Variants in AMBP observed in about 807,000 individuals in gnomAD.
AMBP encodes the protein protein AMBP.
In AMBP, 37 loss-of-function variants were observed where a neutral mutation model predicts 46.3. The observed-to-expected ratio is 0.80, with a 90% CI of 0.61 to 1.05. The LOEUF is 1.05. Among genes scored for constraint, AMBP ranks in the 50% least tolerant of loss-of-function variants. AMBP has a pLI of 0.00. For synonymous variants in AMBP, 174 were observed against 175.9 expected (o/e 0.99, Z 0.09); for missense variants, 475 against 461.2 (o/e 1.03, Z -0.27).
intron 9 of AMBP, 131 bp downstream of exon 9, chr9:114,060,794 A>G: frequency 9.2e-7 from 1 of 1,090,806 alleles, no homozygotes. Flanking sequence ...CCCATTTCAG[A>G]GAGTAGATGG....
At chr9:114,063,609 A>C (rs1445399041) in intron 6 of AMBP, among the ~76,000 whole-genome samples, 1 of 152,222 alleles carries the variant, frequency 6.6e-6, no homozygotes, top group Non-Finnish European at 1.5e-5. Flanking sequence ...TAAATGGGAG[A>C]TATTCTGGAT....
At chr9:114,072,340 C>A (rs1846754095) in intron 5 of AMBP, among the ~76,000 whole-genome samples, 1 of 152,122 alleles carries the variant, frequency 6.6e-6, no homozygotes, top group Non-Finnish European at 1.5e-5. Context: ...CATGCCAGCA[C>A]CTGGAGCTGC....
chr9:114,067,296 G>A (rs765502002), intron 6 of AMBP, among the ~76,000 whole-genome samples: 10 of 152,038 alleles, frequency 6.6e-5, no homozygotes, highest in Non-Finnish European at 1.5e-4. Context: ...AGAGTGCAGT[G>A]GCACAATCAT....
Position 114,061,548 on chromosome 9 carries a change from C to A in AMBP, c.729G>T (p.Met243Ile). Reference sequence around the variant, plus strand: ...TACCATTATAGAAATACCTGCTGGTCATTCCCATGCAGGGACCGGCCGAGT... The same window carrying A: ...TACCATTATAGAAATACCTGCTGGTAATTCCCATGCAGGGACCGGCCGAGT... Reference protein sequence around the residue: ...LGYSAGPCMGMTSRYFYNGTS... With the variant: ...LGYSAGPCMGITSRYFYNGTS... Residue 243 changes from methionine to isoleucine, a missense_variant, in exon 8 of 10, where the codon ATG (methionine) becomes ATT (isoleucine). Transcript: ENST00000265132. The A allele has an allele frequency of 6.2e-7, 1 of 1,612,748 alleles. No homozygotes were observed. The highest frequency in any genetic ancestry group is 1.1e-5 in the South Asian group (1 of 90,942).
In AMBP at chr9:114,074,420, C is replaced by T. The variant is rs182761604; in HGVS notation, c.338-268G>A. 3.3e-5 allele frequency among the ~76,000 whole-genome samples: 5 copies of T among 152,274 alleles called. No individual in the cohort carries two copies. In the East Asian group the frequency reaches 9.6e-4, roughly 29 times the overall value. ...CAATTCTCCCTTCCTTCCTTCTTTC[C>T]CCTATCACTCCATCAATTTACCTAT... On this transcript the variant is annotated intron_variant, in intron 3 of 9. Coordinates refer to ENST00000265132, the MANE Select transcript of AMBP (RefSeq NM_001633.4).
intron 7 of AMBP, 151 bp from the exon 8 acceptor site, chr9:114,061,742 G>A: frequency 1.0e-6 from 1 of 988,868 alleles, no homozygotes; most frequent in Non-Finnish European, 1.4e-6. Context: ...GAGAGGTGAA[G>A]TAACTTGGCC....
chr9:114,073,594 C>G (rs1846769420), intron 4 of AMBP, among the ~76,000 whole-genome samples: 1 of 150,046 alleles, frequency 6.7e-6, no homozygotes, highest in African/African-American at 2.5e-5. Context: ...TACTCCTGGG[C>G]TCAAGTGACC....
rs773791998 is a variant in AMBP at position 114,061,507 on chromosome 9, TCACAGGC to T, written c.763_769del (p.Ala255ArgfsTer35). 30 of 1,613,998 alleles carry T rather than the reference TCACAGGC, an allele frequency of 1.9e-5. No homozygotes were observed. Among genetic ancestry groups the T allele is most frequent in the Non-Finnish European group, 2.4e-5 (28 of 1,180,024 alleles). On this transcript the variant is annotated frameshift_variant, in exon 8 of 10. Transcript: ENST00000265132. LOFTEE classifies it high-confidence loss of function. ...CATGCAGCCGCCGTACTGGAAAGTC[TCACAGGC>T]CATGGATGTACCATTATAGAAATAC...
At chr9:114,063,183 G>GAA (rs397940037) in intron 6 of AMBP, among the ~76,000 whole-genome samples, 2,933 of 145,030 alleles carry the variant, frequency 0.02, 39 homozygotes, top group East Asian at 0.073. Context: ...GCTGCTTGCA[G>GAA]AAAAAAAAAA....
chr9:114,069,914 AG>A (rs1380185125), intron 5 of AMBP, 169 bp from the exon 6 acceptor site: 1 of 635,050 alleles, frequency 1.6e-6, no homozygotes, highest in South Asian at 2.0e-5. Context: ...TCACTGGAAA[AG>A]CAAGAGACTG....
intron 6 of AMBP, among the ~76,000 whole-genome samples, chr9:114,065,254 T>G (rs1307069174): frequency 6.6e-6 from 1 of 152,172 alleles, no homozygotes; most frequent in Non-Finnish European, 1.5e-5. Context: ...ATGCAATTAA[T>G]TAAGATGAGG....
intron 1 of AMBP, 133 bp downstream of exon 1, chr9:114,077,960 A>G: frequency 1.1e-6 from 1 of 885,452 alleles, no homozygotes. Flanking sequence ...TGTACCTTCA[A>G]AGGATCCCAT....
chr9:114,066,687 T>C (rs1251631659), intron 6 of AMBP, among the ~76,000 whole-genome samples: 4 of 152,044 alleles, frequency 2.6e-5, no homozygotes, highest in South Asian at 2.1e-4. Context: ...ATGAATGTCA[T>C]AGGAGAGAGA....
rs751654936 is a variant in AMBP, at chr9:114,078,147, A to G, written c.63T>C (p.Pro21=). 17 of 1,613,732 alleles carry G rather than the reference A, an allele frequency of 1.1e-5. No homozygotes were observed. The highest frequency in any genetic ancestry group is 1.4e-5 in the Non-Finnish European group (16 of 1,180,036). The change falls in exon 1 of 10, where the codon CCT becomes CCC. Residue 21 remains proline, a synonymous_variant. Transcript: ENST00000265132. ...GGATGTTGTCGGGCGGCGTTGGCAC[A>G]GGGCCAGCGCTCACCGCCAGGCAGG... is the stretch of plus-strand genomic sequence containing the variant. ...LSACLAVSAG[P]VPTPPDNIQV... is the part of the protein sequence containing the mutation.
In AMBP at chr9:114,074,905, C is replaced by G; in HGVS notation, c.337+55G>C. ...CAGAGGCAGAGGGAGCTGAGGACAT[C>G]AAGGTATTTTCAAGCAAAGGAGAGA... On this transcript the variant is annotated intron_variant, in intron 3 of 9. Transcript: ENST00000265132. The G allele has an allele frequency of 2.0e-6, 3 of 1,496,290 alleles. No homozygotes were observed. In the South Asian group the frequency reaches 3.4e-5, roughly 17 times the overall value. 92.7% of individuals were successfully genotyped at this position (1,496,290 alleles called of 1,614,324 possible).
chr9:114,068,072 CAAAA>C (rs1564371748), intron 6 of AMBP, among the ~76,000 whole-genome samples: 1 of 152,160 alleles, frequency 6.6e-6, no homozygotes, highest in Non-Finnish European at 1.5e-5. Context: ...ATTTAAAAGA[CAAAA>C]GAAATTTTCG....
chr9:114,065,566 C>T (rs1053531647), intron 6 of AMBP, among the ~76,000 whole-genome samples: 9 of 152,138 alleles, frequency 5.9e-5, no homozygotes, highest in African/African-American at 1.9e-4. Flanking sequence ...TTCTCTGTTA[C>T]GGCAGCCCCC....
rs751706492 is a variant in AMBP at position 114,060,280 on chromosome 9, CAG to C, written c.1028-12_1028-11del. On this transcript the variant is annotated splice_polypyrimidine_tract_variant and intron_variant, in intron 9 of 9. Coordinates refer to ENST00000265132, the MANE Select transcript of AMBP (RefSeq NM_001633.4). ...AGCAGCTCCTCATCACCTGTGGACA[CAG>C]AGAGACTCAGGGAGGGGTCCGTAGG... 10 of 1,612,984 alleles carry C rather than the reference CAG, an allele frequency of 6.2e-6. No homozygotes were observed. The highest frequency in any genetic ancestry group is 4.4e-5 in the South Asian group (4 of 90,588).
At chr9:114,073,493 GT>G (rs59522385) in intron 4 of AMBP, among the ~76,000 whole-genome samples, 24,038 of 107,116 alleles carry the variant, frequency 0.22, 1,909 homozygotes, top group Middle Eastern at 0.37. Flanking sequence ...CTCAATCCCT[GT>G]TTTTTTTTTT....
Sources: allele counts gnomAD v4.1 joint callset (sites outside exome capture counted in the v4.1 genomes callset), GRCh38; gene constraint gnomAD v4.1.1; transcripts MANE v1.5; gene names NCBI Gene and HGNC (gene_info 2026-07-23, HGNC 2026-07-21).